TPCN1: variants seen among roughly 807,000 people sequenced by gnomAD.
TPCN1 encodes the protein two pore segment channel 1, also known as two pore channel protein 1.
A neutral mutation model predicts 108.8 loss-of-function variants in TPCN1; 52 were observed. That is an observed-to-expected ratio of 0.48 (90% CI 0.38 to 0.60). The LOEUF (loss-of-function observed/expected upper bound fraction) is 0.60. Among genes scored for constraint, TPCN1 ranks in the 20% least tolerant of loss-of-function variants. The probability of loss-of-function intolerance (pLI) is 0.00; values close to 1 mark genes in which losing one functional copy is unlikely to be tolerated. For missense variants in TPCN1, 806 were observed against 1,072.8 expected, an observed-to-expected ratio of 0.75 and a Z score of 3.47; for synonymous variants, 446 against 433.7, an observed-to-expected ratio of 1.03 and a Z score of -0.35.
chr12:113,287,204 A>T, intron 19 of TPCN1, 110 bp downstream of exon 19: 1 of 876,222 alleles, frequency 1.1e-6, no homozygotes, highest in Admixed American at 2.1e-5. Flanking sequence ...CACAAGCCAG[A>T]GTCACAGATG....
At chr12:113,246,226 T>G (rs1169000004) in intron 2 of TPCN1, among the ~76,000 whole-genome samples, 1 of 152,210 alleles carries the variant, frequency 6.6e-6, no homozygotes. Context: ...CCGGGCTGAT[T>G]GCCAGGATTC....
chr12:113,243,260 T>C lies in TPCN1; in HGVS notation c.112+16296T>C, dbSNP rs188995081. On this transcript the variant is annotated intron_variant, in intron 2 of 27. Coordinates refer to ENST00000335509, the MANE Select transcript of TPCN1 (RefSeq NM_017901.6). ...TGGCGGGCGCCTGTATTCCCAGCTATTTGGGAGACTGAGGCACAAGAATCA... is the reference window on the plus strand; with the variant it reads ...TGGCGGGCGCCTGTATTCCCAGCTACTTGGGAGACTGAGGCACAAGAATCA... 1.4e-3 allele frequency among the ~76,000 whole-genome samples: 216 copies of C among 152,072 alleles called. 1 individual carries two copies. The highest frequency in any genetic ancestry group is 3.4e-3 in the Middle Eastern group (1 of 292).
At chr12:113,276,815 G>A in intron 10 of TPCN1, 104 bp from the exon 11 acceptor site, 1 of 781,570 alleles carries the variant, frequency 1.3e-6, no homozygotes, top group South Asian at 1.5e-5. Context: ...TCTCTGGGGT[G>A]ACTGGGTAAG....
chr12:113,283,699 G>A lies in TPCN1; in HGVS notation c.1343-882G>A, dbSNP rs962423811. ...TTTCTTTCTTCTCTCTTAGAGAGAG[G>A]GTCTTGCTCTGTCACCCAAGCTGGA... On this transcript the variant is annotated intron_variant, in intron 15 of 27. Coordinates refer to ENST00000335509, the MANE Select transcript of TPCN1 (RefSeq NM_017901.6). Among the ~76,000 whole-genome samples, 6 of 152,200 alleles carry A rather than the reference G, an allele frequency of 3.9e-5. No homozygotes were observed. The East Asian group carries it at 7.7e-4, about 20-fold the overall frequency.
intron 2 of TPCN1, among the ~76,000 whole-genome samples, chr12:113,239,377 T>G (rs1954017568): frequency 1.3e-5 from 2 of 152,274 alleles, no homozygotes; most frequent in South Asian, 4.1e-4. Flanking sequence ...CCTAACCCAG[T>G]GTAATGCCTG....
chr12:113,277,414 G>A (rs371051120), intron 12 of TPCN1, 50 bp downstream of exon 12: 53 of 1,608,154 alleles, frequency 3.3e-5, no homozygotes, highest in Non-Finnish European at 4.1e-5. Context: ...AGGTGTTCAC[G>A]TCTAGAGTGA....
At chr12:113,293,372 T>C in intron 27 of TPCN1, 23 bp downstream of exon 27, 1 of 1,610,048 alleles carries the variant, frequency 6.2e-7, no homozygotes, top group Non-Finnish European at 8.5e-7. Flanking sequence ...CCGACCACGC[T>C]GCGAATCCTC....
At chr12:113,239,141 C>G (rs943111099) in intron 2 of TPCN1, among the ~76,000 whole-genome samples, 1 of 152,080 alleles carries the variant, frequency 6.6e-6, no homozygotes, top group Non-Finnish European at 1.5e-5. Context: ...TCTAGAAATA[C>G]ATATATACAT....
At chr12:113,292,045 A>G in intron 25 of TPCN1, 87 bp downstream of exon 25, 1 of 1,156,022 alleles carries the variant, frequency 8.7e-7, no homozygotes, top group Non-Finnish European at 1.3e-6. Context: ...CCAGCCAGCC[A>G]TCAGGCTGTC....
At chr12:113,255,793 G>C (rs577942304) in intron 2 of TPCN1, among the ~76,000 whole-genome samples, 2 of 152,000 alleles carry the variant, frequency 1.3e-5, no homozygotes, top group Admixed American at 6.5e-5. Flanking sequence ...GCCTCCCTAA[G>C]TGCTAGGATT....
At chr12:113,237,819 A>G (rs561320803) in intron 2 of TPCN1, among the ~76,000 whole-genome samples, 28 of 152,342 alleles carry the variant, frequency 1.8e-4, no homozygotes, top group African/African-American at 6.5e-4. Flanking sequence ...TAGTGAAAGA[A>G]AAGCAGAGCT....
chr12:113,228,747 C>T (rs1953567704), intron 2 of TPCN1, among the ~76,000 whole-genome samples: 1 of 152,206 alleles, frequency 6.6e-6, no homozygotes, highest in Non-Finnish European at 1.5e-5. Context: ...TGTCCAAGGT[C>T]ACACAGCTAG....
rs1376457287 is a variant in TPCN1 at position 113,226,741 on chromosome 12, T to C, written c.-112T>C. On this transcript the variant is annotated 5_prime_UTR_variant, in exon 2 of 28. The change abolishes an upstream ATG in the 5' untranslated region. Coordinates refer to ENST00000335509, the MANE Select transcript of TPCN1 (RefSeq NM_017901.6). The stretch of plus-strand genomic sequence containing the variant: ...CCCAAACCCTAGAAGATGCCTCTAA[T>C]GGAGGAGTTTCTGAGCAGCACCCCT... 1.3e-6 allele frequency: 2 copies of C among 1,571,012 alleles called. No individual in the cohort carries two copies. The highest frequency in any genetic ancestry group is 1.7e-6 in the Non-Finnish European group (2 of 1,157,356).
At chr12:113,276,439 C>T (rs962044842) in intron 10 of TPCN1, among the ~76,000 whole-genome samples, 9 of 152,278 alleles carry the variant, frequency 5.9e-5, no homozygotes, top group South Asian at 2.1e-4. Context: ...CAGTGACTCA[C>T]AAGGAGAAGT....
intron 2 of TPCN1, among the ~76,000 whole-genome samples, chr12:113,230,831 C>T (rs763028199): frequency 1.3e-5 from 2 of 152,190 alleles, no homozygotes; most frequent in African/African-American, 2.4e-5. Context: ...TCAGAATCAA[C>T]GTACTTGGAT....
chr12:113,257,994 A>G (rs183479894), intron 2 of TPCN1, among the ~76,000 whole-genome samples: 1 of 152,366 alleles, frequency 6.6e-6, no homozygotes, highest in East Asian at 1.9e-4. Context: ...TAGTAACAGA[A>G]TGCAGCTCAG....
chr12:113,288,093 G>A lies in TPCN1; in HGVS notation c.1635-70G>A, dbSNP rs1051548611. On this transcript the variant is annotated intron_variant, in intron 19 of 27. Transcript: ENST00000335509. This position sits in a 1 kb window ranked among gnomAD's most constrained non-coding sequence, Gnocchi z 4.8. ...CGCATGGCGTGTGGAAGGCGGGGCC[G>A]GCATGTTCTGAGGGCGGGGGCTGAG... 3.6e-5 allele frequency: 52 copies of A among 1,464,716 alleles called. No individual in the cohort carries two copies. Among genetic ancestry groups the A allele is most frequent in the Middle Eastern group, 2.2e-4 (1 of 4,548 alleles). The allele number at this position is 1,464,716 out of a possible 1,614,324, so 90.7% of individuals were successfully genotyped here.
Position 113,296,141 on chromosome 12 carries a change from G to A in TPCN1, c.*65G>A, listed in dbSNP as rs756747557. 22 of 1,580,794 alleles carry A rather than the reference G, an allele frequency of 1.4e-5. No homozygotes were observed. The highest frequency in any genetic ancestry group is 1.8e-5 in the Non-Finnish European group (21 of 1,157,250). ...ATAGTATTACTCTACTGCGATGTAC[G>A]GAACTGCGGTGTGTGTACACATACT... is the stretch of plus-strand genomic sequence containing the variant. On this transcript the variant is annotated 3_prime_UTR_variant, in exon 28 of 28. Coordinates refer to ENST00000335509, the MANE Select transcript of TPCN1 (RefSeq NM_017901.6).
At chr12:113,293,240 C>T (rs769234503) in intron 26 of TPCN1, 29 bp from the exon 27 acceptor site, 67 of 1,611,430 alleles carry the variant, frequency 4.2e-5, no homozygotes, top group Middle Eastern at 1.6e-4. Context: ...TATCTGCAGC[C>T]GAGCCCTGCA....
Sources: allele counts gnomAD v4.1 joint callset (sites outside exome capture counted in the v4.1 genomes callset), GRCh38; gene constraint gnomAD v4.1.1; non-coding constraint Gnocchi (gnomAD v3.1); transcripts MANE v1.5; gene names NCBI Gene and HGNC (gene_info 2026-07-23, HGNC 2026-07-21).